Variants in MAP7 observed in about 807,000 individuals in gnomAD.
MAP7 encodes ensconsin.
A neutral mutation model predicts 94.8 loss-of-function variants in MAP7; 52 were observed. The ratio of observed to expected loss-of-function variants is 0.55; its 90% CI spans 0.44 to 0.69. The LOEUF (loss-of-function observed/expected upper bound fraction) is 0.69, where lower values mean the gene tolerates loss of function less well. MAP7 is among the 30% of genes least tolerant of loss of function. The pLI is 0.00. For synonymous variants in MAP7, 350 were observed against 357.0 expected (o/e 0.98, Z 0.22); for missense variants, 940 against 964.6 (o/e 0.97, Z 0.34).
chr6:136,358,214 C>T (rs958459422), intron 15 of MAP7, among the ~76,000 whole-genome samples: 9 of 152,136 alleles, frequency 5.9e-5, no homozygotes, highest in Non-Finnish European at 1.2e-4. Flanking sequence ...ATAAAGAATA[C>T]TGAAAGAACA....
intron 1 of MAP7, among the ~76,000 whole-genome samples, chr6:136,433,790 T>C (rs1795611548): frequency 6.6e-6 from 1 of 152,146 alleles, no homozygotes; most frequent in Non-Finnish European, 1.5e-5. Flanking sequence ...GGATAGGCAA[T>C]AAAGTAGTGG....
intron 8 of MAP7, among the ~76,000 whole-genome samples, chr6:136,370,947 T>G (rs1774300509): frequency 6.6e-6 from 1 of 151,750 alleles, no homozygotes; most frequent in Non-Finnish European, 1.5e-5. Flanking sequence ...TTTAAAAACT[T>G]AAAATTTAGC....
At chr6:136,473,236 C>T (rs1343515820) in intron 1 of MAP7, among the ~76,000 whole-genome samples, 1 of 152,164 alleles carries the variant, frequency 6.6e-6, no homozygotes, top group East Asian at 1.9e-4. Flanking sequence ...ATTGATTAAC[C>T]TTCTCTAACA....
At position 136,510,293 on chromosome 6, in the gene MAP7, AACGACCCAC is replaced by A. The variant is rs909853035; in HGVS notation, c.67+40040_67+40048del. 1.2e-4 allele frequency among the ~76,000 whole-genome samples: 18 copies of A among 152,126 alleles called. No homozygotes were observed. In the Middle Eastern group the frequency reaches 0.01, roughly 86 times the overall value. ...GATGGTGAGAGGATAAGAAAGTAGA[AACGACCCAC>A]ACAGCTGGTTTTTAGGAGTCTCACA... On this transcript the variant is annotated intron_variant, in intron 1 of 17. Transcript: ENST00000354570.
At chr6:136,438,319 C>T (rs1165115557) in intron 1 of MAP7, among the ~76,000 whole-genome samples, 1 of 152,214 alleles carries the variant, frequency 6.6e-6, no homozygotes. Flanking sequence ...ACATTTAACA[C>T]TGAAAACACA....
At chr6:136,430,616 A>G (rs1794624256) in intron 1 of MAP7, among the ~76,000 whole-genome samples, 1 of 152,240 alleles carries the variant, frequency 6.6e-6, no homozygotes, top group Non-Finnish European at 1.5e-5. Context: ...GTAAAATTTA[A>G]TAGGAATGAT....
chr6:136,466,639 T>C (rs1807201669), intron 1 of MAP7: 1 of 864,950 alleles, frequency 1.2e-6, no homozygotes. Flanking sequence ...GATTAGAAGA[T>C]TTCCTACTCT....
intron 1 of MAP7, among the ~76,000 whole-genome samples, chr6:136,481,324 T>C (rs1054050362): frequency 2.6e-5 from 4 of 152,234 alleles, no homozygotes; most frequent in African/African-American, 7.2e-5. Flanking sequence ...TGCACTATTA[T>C]ATTTATTACA....
chr6:136,475,534 A>G (rs913806612), intron 1 of MAP7, among the ~76,000 whole-genome samples: 1 of 152,234 alleles, frequency 6.6e-6, no homozygotes, highest in African/African-American at 2.4e-5. Flanking sequence ...AGAGCAGATC[A>G]GCCTTCTTGA....
At chr6:136,521,863 G>A (rs1169829613) in intron 1 of MAP7, among the ~76,000 whole-genome samples, 1 of 152,122 alleles carries the variant, frequency 6.6e-6, no homozygotes, top group Non-Finnish European at 1.5e-5. Flanking sequence ...TTCACAGTTG[G>A]CACACACTTA....
intron 2 of MAP7, among the ~76,000 whole-genome samples, chr6:136,420,964 G>A (rs531736414): frequency 6.6e-6 from 1 of 152,306 alleles, no homozygotes; most frequent in African/African-American, 2.4e-5. Flanking sequence ...AGGTTTCCAA[G>A]AACCTCATGG....
At chr6:136,429,803 C>T (rs1304401271) in intron 1 of MAP7, among the ~76,000 whole-genome samples, 1 of 152,222 alleles carries the variant, frequency 6.6e-6, no homozygotes, top group African/African-American at 2.4e-5. Context: ...AACCTTCCTT[C>T]AGCCAGATGG....
intron 7 of MAP7, among the ~76,000 whole-genome samples, chr6:136,376,329 A>T (rs1239962339): frequency 1.3e-5 from 2 of 148,570 alleles, no homozygotes; most frequent in Non-Finnish European, 2.9e-5. Flanking sequence ...CGATTTCCTG[A>T]CCTCAACGAT....
chr6:136,431,839 A>T (rs1447018779), intron 1 of MAP7, among the ~76,000 whole-genome samples: 2 of 152,102 alleles, frequency 1.3e-5, no homozygotes, highest in Non-Finnish European at 2.9e-5. Flanking sequence ...TTTCTAACAG[A>T]ACCCTCATTG....
chr6:136,376,020 T>C (rs1178865674), intron 7 of MAP7, among the ~76,000 whole-genome samples: 1 of 152,070 alleles, frequency 6.6e-6, no homozygotes, highest in Non-Finnish European at 1.5e-5. Context: ...GGCAGTCCTT[T>C]AGCACAACAC....
At chr6:136,393,074 C>T (rs1185673300) in intron 3 of MAP7, among the ~76,000 whole-genome samples, 1 of 152,170 alleles carries the variant, frequency 6.6e-6, no homozygotes, top group East Asian at 1.9e-4. Flanking sequence ...GGCTTTCTGA[C>T]TTATTAATAC....
chr6:136,441,356 T>C (rs1362527436), intron 1 of MAP7, among the ~76,000 whole-genome samples: 3 of 152,158 alleles, frequency 2.0e-5, no homozygotes, highest in African/African-American at 7.2e-5. Context: ...TGTGTTTACA[T>C]TGCAAAAAAA....
At chr6:136,365,084 C>G (rs1466936005) in intron 10 of MAP7, 1 of 152,268 alleles carries the variant, frequency 6.6e-6, no homozygotes, top group Non-Finnish European at 1.5e-5. Context: ...CACCTGAATT[C>G]ACGTGTTTGT....
At chr6:136,524,222 C>A (rs1400027083) in intron 1 of MAP7, among the ~76,000 whole-genome samples, 4 of 151,704 alleles carry the variant, frequency 2.6e-5, no homozygotes, top group Admixed American at 6.6e-5. Context: ...CCAGCCTGGG[C>A]AACAGAGCAA....
Sources: gnomAD v4.1 joint callset for allele counts (sites outside exome capture counted in the v4.1 genomes callset) on GRCh38, gnomAD v4.1.1 for gene constraint, MANE v1.5 for transcripts, NCBI Gene and HGNC (gene_info 2026-07-23, HGNC 2026-07-21) for gene names.